DLC1: variants seen among roughly 807,000 people sequenced by gnomAD.
DLC1 encodes rho GTPase-activating protein 7.
DLC1 carries 54 observed loss-of-function variants against 140.3 expected under a neutral mutation model. The observed-to-expected ratio is 0.38, with a 90% CI of 0.31 to 0.48. The LOEUF is 0.48. DLC1 is among the 20% of genes least tolerant of loss of function. DLC1 has a pLI of 0.96. For synonymous variants in DLC1, 986 were observed against 728.1 expected, an observed-to-expected ratio of 1.35 and a Z score of -5.70; for missense variants, 2,536 against 1,907.0, an observed-to-expected ratio of 1.33 and a Z score of -6.14.
intron 2 of DLC1, among the ~76,000 whole-genome samples, chr8:13,435,078 T>C (rs765443703): frequency 2.6e-5 from 4 of 152,182 alleles, no homozygotes; most frequent in African/African-American, 4.8e-5. Context: ...AAGAGCCTTC[T>C]GGAAAGAATT....
In DLC1 at chr8:13,233,407, C is replaced by G. The variant is rs538974860; in HGVS notation, c.1348+71862G>C. Among the ~76,000 whole-genome samples the G allele has an allele frequency of 1.4e-4, 21 of 150,372 alleles. No homozygotes were observed. The South Asian group carries it at 4.0e-3, about 29-fold the overall frequency. On this transcript the variant is annotated intron_variant, in intron 5 of 17. Transcript: ENST00000276297. ...TTTACAACCCTTGGCCATTTTTACC[C>G]TCATTTCATGACAGATACTCTTATT...
chr8:13,147,115 TA>T (rs1823490568), intron 5 of DLC1, among the ~76,000 whole-genome samples: 1 of 152,210 alleles, frequency 6.6e-6, no homozygotes, highest in Admixed American at 6.5e-5. Flanking sequence ...AACAAAAAAA[TA>T]TTCTTTGTCC....
chr8:13,574,439 T>A, intron 1 of DLC1, among the ~76,000 whole-genome samples: 1 of 152,086 alleles, frequency 6.6e-6, no homozygotes, highest in East Asian at 1.9e-4. Flanking sequence ...GTTGGATATC[T>A]TTTCTCCAAA....
chr8:13,202,402 C>T (rs1827437627), intron 5 of DLC1, among the ~76,000 whole-genome samples: 1 of 152,150 alleles, frequency 6.6e-6, no homozygotes, highest in African/African-American at 2.4e-5. Flanking sequence ...ACCTCAAACA[C>T]TTGCCATTTC....
intron 4 of DLC1, among the ~76,000 whole-genome samples, chr8:13,359,095 C>G (rs376323603): frequency 6.6e-6 from 1 of 152,120 alleles, no homozygotes; most frequent in African/African-American, 2.4e-5. Context: ...CCCGCCACCA[C>G]GCCCGGCTAA....
At chr8:13,419,275 G>T (rs1285718450) in intron 2 of DLC1, among the ~76,000 whole-genome samples, 3 of 151,826 alleles carry the variant, frequency 2.0e-5, no homozygotes, top group Non-Finnish European at 4.4e-5. Flanking sequence ...GTGAGAGAGG[G>T]CATCCCTGTC....
At chr8:13,548,358 A>G (rs13262009) in intron 1 of DLC1, among the ~76,000 whole-genome samples, 37,363 of 123,368 alleles carry the variant, frequency 0.3, 4,919 homozygotes, top group East Asian at 0.39. Context: ...TATCTTGTTC[A>G]TTGCTGTGTA....
chr8:13,315,929 T>C (rs1390617822), intron 4 of DLC1, among the ~76,000 whole-genome samples: 3 of 152,224 alleles, frequency 2.0e-5, no homozygotes, highest in African/African-American at 7.2e-5. Flanking sequence ...TAGTATTGTC[T>C]AGTATTATAT....
In DLC1 at chr8:13,499,170, T is replaced by A; in HGVS notation, c.902A>T (p.Gln301Leu). The A allele has an allele frequency of 6.2e-7, 1 of 1,614,222 alleles. No individual in the cohort carries two copies. Among genetic ancestry groups the A allele is most frequent in the East Asian group, 2.2e-5 (1 of 44,882 alleles). Reference sequence around the variant, plus strand: ...CTTTGGTGGACTTTTGTTTTGATGTTGTGAAAAACCACTCTTCTCCAGGCC... The same window carrying A: ...CTTTGGTGGACTTTTGTTTTGATGTAGTGAAAAACCACTCTTCTCCAGGCC... ...ENGLEKSGFS[Q>L]HQNKSPPKVK... The change falls in exon 2 of 18, where the codon CAA becomes CTA. Residue 301 changes from glutamine (Q) to leucine (L), a missense_variant. Physicochemically the swap from Gln to Leu is moderately radical, Grantham distance 113. Coordinates refer to ENST00000276297, the MANE Select transcript of DLC1 (RefSeq NM_182643.3).
At chr8:13,221,604 C>G (rs1360871166) in intron 5 of DLC1, among the ~76,000 whole-genome samples, 3 of 150,540 alleles carry the variant, frequency 2.0e-5, no homozygotes, top group Non-Finnish European at 4.4e-5. Flanking sequence ...CCCCTGACCT[C>G]AAGTGATCTG....
chr8:13,423,187 C>T (rs147402428), intron 2 of DLC1, among the ~76,000 whole-genome samples: 53 of 152,246 alleles, frequency 3.5e-4, no homozygotes, highest in African/African-American at 1.3e-3. Flanking sequence ...TTTTTCTCTT[C>T]ACTCACCATT....
At chr8:13,385,579 A>G (rs367734883) in intron 4 of DLC1, among the ~76,000 whole-genome samples, 2 of 152,248 alleles carry the variant, frequency 1.3e-5, no homozygotes, top group East Asian at 1.9e-4. Context: ...ATGAGGATAC[A>G]GAGTAAACAA....
chr8:13,462,869 C>A lies in DLC1; in HGVS notation c.1023+36180G>T, dbSNP rs749190753. Among the ~76,000 whole-genome samples the A allele has an allele frequency of 2.6e-5, 4 of 152,082 alleles. No homozygotes were observed. In the East Asian group the frequency reaches 5.8e-4, roughly 22 times the overall value. ...TCTTCCAGCAGTGTTTAAAAAAGAACGTTGAACGCATAGTGTATCAGTTGC... is the reference window on the plus strand; with the variant it reads ...TCTTCCAGCAGTGTTTAAAAAAGAAAGTTGAACGCATAGTGTATCAGTTGC... On this transcript the variant is annotated intron_variant, in intron 2 of 17. Coordinates refer to ENST00000276297, the MANE Select transcript of DLC1 (RefSeq NM_182643.3).
chr8:13,579,548 T>C (rs1183655323), intron 1 of DLC1, among the ~76,000 whole-genome samples: 47 of 104,440 alleles, frequency 4.5e-4, no homozygotes, highest in East Asian at 1.3e-3. Flanking sequence ...ATATTTAATA[T>C]ATTATATTTT....
rs368427234 is a variant in DLC1 at position 13,285,400 on chromosome 8, A to G, written c.1348+19869T>C. Reference sequence around the variant, plus strand: ...CACCTAAAACAAACATTAACTCTAAATGGAACATAGACCACAGACCTAAAT... The same window carrying G: ...CACCTAAAACAAACATTAACTCTAAGTGGAACATAGACCACAGACCTAAAT... On this transcript the variant is annotated intron_variant, in intron 5 of 17. Coordinates refer to ENST00000276297, the MANE Select transcript of DLC1 (RefSeq NM_182643.3). Among the ~76,000 whole-genome samples the G allele has an allele frequency of 5.3e-5, 8 of 152,328 alleles. No homozygotes were observed. In the East Asian group the frequency reaches 1.5e-3, roughly 29 times the overall value.
At chr8:13,293,756 C>G (rs1748008879) in intron 5 of DLC1, among the ~76,000 whole-genome samples, 2 of 152,056 alleles carry the variant, frequency 1.3e-5, no homozygotes, top group Admixed American at 6.5e-5. Context: ...AAGACCACTT[C>G]AAATGTGGGA....
chr8:13,170,750 A>AG (rs1825420759), intron 5 of DLC1, among the ~76,000 whole-genome samples: 2 of 150,016 alleles, frequency 1.3e-5, no homozygotes, highest in East Asian at 3.9e-4. Flanking sequence ...AAAAAAAAAA[A>AG]GTTTCTGTAT....
intron 5 of DLC1, among the ~76,000 whole-genome samples, chr8:13,301,429 C>T (rs74936224): frequency 0.051 from 7,771 of 152,206 alleles, 249 homozygotes; most frequent in South Asian, 0.12. Context: ...AGCGAGTGTC[C>T]ATTTGTCCTG....
chr8:13,306,166 A>G (rs1832416020), intron 4 of DLC1, among the ~76,000 whole-genome samples: 1 of 152,208 alleles, frequency 6.6e-6, no homozygotes, highest in Non-Finnish European at 1.5e-5. Flanking sequence ...TATTTATTAA[A>G]ATGGGCCTTG....
Sources: gnomAD v4.1 joint callset for allele counts (sites outside exome capture counted in the v4.1 genomes callset) on GRCh38, gnomAD v4.1.1 for gene constraint, MANE v1.5 for transcripts, NCBI Gene and HGNC (gene_info 2026-07-23, HGNC 2026-07-21) for gene names.